The following CTNNA1 variants were observed in gnomAD, a reference collection of about 807,000 sequenced individuals.
The protein encoded by CTNNA1 is catenin alpha-1.
Under a neutral mutation model 98.4 loss-of-function variants are expected in CTNNA1, and 37 were observed. The observed-to-expected ratio is 0.38, with a 90% CI of 0.29 to 0.49. The LOEUF is 0.49. CTNNA1 is among the 20% of genes least tolerant of loss of function. The pLI is 0.95. For missense variants in CTNNA1, 761 were observed against 1,147.2 expected, an observed-to-expected ratio of 0.66 and a Z score of 4.86; for synonymous variants, 404 against 413.2, an observed-to-expected ratio of 0.98 and a Z score of 0.27.
rs561447413 is a variant in CTNNA1 at position 138,924,312 on chromosome 5, G to A, written c.1547-198G>A. Among the ~76,000 whole-genome samples the A allele has an allele frequency of 7.8e-4, 115 of 147,718 alleles. 1 individual carries two copies. Among genetic ancestry groups the A allele is most frequent in the African/African-American group, 2.8e-3 (112 of 39,872 alleles). On this transcript the variant is annotated intron_variant, in intron 11 of 17. Coordinates refer to ENST00000302763, the MANE Select transcript of CTNNA1 (RefSeq NM_001903.5). Reference sequence around the variant, plus strand: ...TTTTTTTTTAAAAACCTGGAATGAAGATTGTTATTCTTGGGGGTGATAACA... The same window carrying A: ...TTTTTTTTTAAAAACCTGGAATGAAAATTGTTATTCTTGGGGGTGATAACA...
At chr5:138,912,315 G>A (rs1415497373) in intron 10 of CTNNA1, among the ~76,000 whole-genome samples, 1 of 152,182 alleles carries the variant, frequency 6.6e-6, no homozygotes. Flanking sequence ...CCAGGGGTGG[G>A]AAGAGTAGAA....
chr5:138,793,583 G>A (rs1275314700), intron 3 of CTNNA1, among the ~76,000 whole-genome samples: 1 of 152,242 alleles, frequency 6.6e-6, no homozygotes, highest in African/African-American at 2.4e-5. Context: ...TACAGTCAGT[G>A]TAGCTGAGGA....
intron 1 of CTNNA1, among the ~76,000 whole-genome samples, chr5:138,773,555 C>T (rs1173401439): frequency 6.6e-6 from 1 of 152,156 alleles, no homozygotes; most frequent in African/African-American, 2.4e-5. Context: ...ACAGGGCAGT[C>T]TGCTTGCATT....
intron 1 of CTNNA1, among the ~76,000 whole-genome samples, chr5:138,766,608 C>G (rs113791446): frequency 1.1e-4 from 17 of 151,976 alleles, no homozygotes; most frequent in African/African-American, 3.4e-4. Flanking sequence ...GAGGTGTTTA[C>G]TGAGGTACGG....
intron 3 of CTNNA1, among the ~76,000 whole-genome samples, chr5:138,785,006 A>G (rs1755517345): frequency 6.6e-6 from 1 of 152,104 alleles, no homozygotes; most frequent in Non-Finnish European, 1.5e-5. Context: ...CCAGGTGGAC[A>G]TGAATTTTTG....
chr5:138,893,515 A>G (rs111232820), intron 9 of CTNNA1, among the ~76,000 whole-genome samples: 5,772 of 151,616 alleles, frequency 0.038, 304 homozygotes, highest in African/African-American at 0.12. Context: ...GCCCCCTTCC[A>G]TTTGTGTCCT....
At chr5:138,777,861 A>G (rs1754535122) in intron 1 of CTNNA1, among the ~76,000 whole-genome samples, 1 of 124,834 alleles carries the variant, frequency 8.0e-6, no homozygotes, top group South Asian at 3.1e-4. Context: ...AGAGAGGGAG[A>G]GGGAGACCGT....
chr5:138,763,157 A>G (rs1752553120), intron 1 of CTNNA1, among the ~76,000 whole-genome samples: 1 of 152,082 alleles, frequency 6.6e-6, no homozygotes, highest in Non-Finnish European at 1.5e-5. Flanking sequence ...AAACCTGGTT[A>G]ATTACCAAGT....
At chr5:138,849,851 A>G (rs1474299291) in intron 7 of CTNNA1, among the ~76,000 whole-genome samples, 2 of 152,088 alleles carry the variant, frequency 1.3e-5, no homozygotes, top group Non-Finnish European at 2.9e-5. Flanking sequence ...TAAAATAGGC[A>G]GTGCATTTAC....
At chr5:138,763,769 C>T (rs1752610851) in intron 1 of CTNNA1, among the ~76,000 whole-genome samples, 1 of 152,204 alleles carries the variant, frequency 6.6e-6, no homozygotes, top group South Asian at 2.1e-4. Flanking sequence ...TTTTATATTC[C>T]TGGGGATCTC....
intron 8 of CTNNA1, among the ~76,000 whole-genome samples, chr5:138,886,994 C>A (rs970799662): frequency 6.6e-6 from 1 of 151,958 alleles, no homozygotes; most frequent in Non-Finnish European, 1.5e-5. Flanking sequence ...TATTCAATTT[C>A]CTTTTGGTGA....
At chr5:138,845,923 TTTTTTTGTTTTTTG>T (rs986052395) in intron 7 of CTNNA1, among the ~76,000 whole-genome samples, 5 of 20,948 alleles carry the variant, frequency 2.4e-4, no homozygotes, top group South Asian at 4.7e-3. Flanking sequence ...GTTTTTTTTG[TTTTTTTGTTTTTTG>T]TTTTTTTGAG....
At chr5:138,911,137 C>T (rs1760527961) in intron 10 of CTNNA1, among the ~76,000 whole-genome samples, 1 of 151,972 alleles carries the variant, frequency 6.6e-6, no homozygotes, top group Non-Finnish European at 1.5e-5. Context: ...CATGGAAGGC[C>T]GAGGTGGGAG....
At chr5:138,908,388 T>G (rs1759759438) in intron 10 of CTNNA1, among the ~76,000 whole-genome samples, 1 of 152,172 alleles carries the variant, frequency 6.6e-6, no homozygotes, top group African/African-American at 2.4e-5. Context: ...TAAAGTTGAG[T>G]TCAGGCCCTG....
chr5:138,776,820 C>T (rs1431470416), intron 1 of CTNNA1, among the ~76,000 whole-genome samples: 1 of 137,268 alleles, frequency 7.3e-6, no homozygotes, highest in African/African-American at 2.8e-5. Context: ...CCACCTCCCT[C>T]CCGGACGGGG....
chr5:138,888,787 G>T (rs1325292843), intron 9 of CTNNA1, among the ~76,000 whole-genome samples: 1 of 151,588 alleles, frequency 6.6e-6, no homozygotes, highest in Non-Finnish European at 1.5e-5. Flanking sequence ...TGATCTACCC[G>T]CCTTGGCCTC....
At chr5:138,760,993 G>A (rs983279297) in intron 1 of CTNNA1, among the ~76,000 whole-genome samples, 1 of 152,166 alleles carries the variant, frequency 6.6e-6, no homozygotes, top group Admixed American at 6.5e-5. Context: ...TCCAGAAAGG[G>A]TTTGGTACTG....
chr5:138,876,261 A>C (rs1279270019), intron 7 of CTNNA1, among the ~76,000 whole-genome samples: 3 of 152,196 alleles, frequency 2.0e-5, no homozygotes, highest in African/African-American at 7.2e-5. Flanking sequence ...GAAATAATAG[A>C]GCATTTGCAC....
At chr5:138,827,293 C>T (rs2149784863) in intron 6 of CTNNA1, among the ~76,000 whole-genome samples, 1 of 152,216 alleles carries the variant, frequency 6.6e-6, no homozygotes, top group African/African-American at 2.4e-5. Context: ...CTTATCATGC[C>T]TTGTTTGGCT....
Sources: gnomAD v4.1 joint callset for allele counts (sites outside exome capture counted in the v4.1 genomes callset) on GRCh38, gnomAD v4.1.1 for gene constraint, MANE v1.5 for transcripts, NCBI Gene and HGNC (gene_info 2026-07-23, HGNC 2026-07-21) for gene names.